Variants in EVI2B observed in about 807,000 individuals in gnomAD.
EVI2B encodes ecotropic viral integration site 2B.
In EVI2B, 4 loss-of-function variants were observed where a neutral mutation model predicts 6.6. The ratio of observed to expected loss-of-function variants is 0.61; its 90% confidence interval spans 0.30 to 1.39. EVI2B has a LOEUF of 1.39. Ranked by LOEUF, EVI2B falls within the 40% of genes most tolerant of loss-of-function variation. The probability of loss-of-function intolerance (pLI) is 0.08; values close to 1 mark genes in which losing one functional copy is unlikely to be tolerated. For missense variants in EVI2B, 484 were observed against 516.6 expected, an observed-to-expected ratio of 0.94 and a Z score of 0.61; for synonymous variants, 181 against 186.8, an observed-to-expected ratio of 0.97 and a Z score of 0.25.
At position 31,304,029 on chromosome 17, in the gene EVI2B, A is replaced by G; in HGVS notation, c.*234T>C. On this transcript the variant is annotated 3_prime_UTR_variant, in exon 2 of 2. Coordinates refer to ENST00000330927, the MANE Select transcript of EVI2B (RefSeq NM_006495.4). The stretch of plus-strand genomic sequence containing the variant: ...AATTATTGAAACATACCATTTACAT[A>G]TGTAAAATGTACTATACTTTAAAGA... 1 of 364,018 alleles carries G rather than the reference A, an allele frequency of 2.7e-6. No homozygotes were observed. The highest frequency in any genetic ancestry group is 4.9e-6 in the Non-Finnish European group (1 of 202,932). The allele number at this position is 364,018 out of a possible 1,614,324, so 22.5% of individuals were successfully genotyped here. A position where few individuals can be genotyped will look rare whatever the true frequency, so the allele number is the denominator to read the frequency against.
intron 1 of EVI2B, among the ~76,000 whole-genome samples, chr17:31,313,671 A>G (rs1597812047): frequency 1.3e-5 from 2 of 149,844 alleles, no homozygotes; most frequent in South Asian, 4.2e-4. Context: ...GTGCCACTGC[A>G]CTCCAGCCTG....
intron 1 of EVI2B, 76 bp from the exon 2 acceptor site, chr17:31,305,706 A>T: frequency 7.8e-7 from 1 of 1,275,656 alleles, no homozygotes; most frequent in South Asian, 1.5e-5. Flanking sequence ...ACTTTTCATT[A>T]TGATTCCTGG....
At chr17:31,311,175 A>G (rs575482052) in intron 1 of EVI2B, among the ~76,000 whole-genome samples, 43 of 151,210 alleles carry the variant, frequency 2.8e-4, no homozygotes, top group South Asian at 1.5e-3. Context: ...CTTGCCTTGA[A>G]CTCCTGGACT....
chr17:31,304,862 GGGT>G lies in EVI2B; in HGVS notation c.745_747del (p.Thr249del), dbSNP rs761934034. The G allele has an allele frequency of 1.2e-6, 2 of 1,613,846 alleles. No homozygotes were observed. The highest frequency in any genetic ancestry group is 1.1e-5 in the South Asian group (1 of 91,076). Reference sequence around the variant, plus strand: ...CTGATGTTATCCATACAAATGTCAGGGGTTTCTCCATCAGCAAATGGAGATCTA... The same window carrying G: ...CTGATGTTATCCATACAAATGTCAGGTTCTCCATCAGCAAATGGAGATCTA... On this transcript the variant is annotated inframe_deletion, in exon 2 of 2. Coordinates refer to ENST00000330927, the MANE Select transcript of EVI2B (RefSeq NM_006495.4).
Position 31,304,625 on chromosome 17 carries a change from C to T in EVI2B, c.985G>A (p.Ala329Thr), listed in dbSNP as rs964052664. 1 of 1,614,136 alleles carries T rather than the reference C, an allele frequency of 6.2e-7. No individual in the cohort carries two copies. The highest frequency in any genetic ancestry group is 8.5e-7 in the Non-Finnish European group (1 of 1,180,006). The stretch of plus-strand genomic sequence containing the variant: ...TCTGCATCATCTGAAGAAGAAACAG[C>T]AGTTCCAACTGTTGAACCATCAGCA... Reference protein sequence around the residue: ...DSADGSTVGTAVSSSDDADLP... With the variant: ...DSADGSTVGTTVSSSDDADLP... Residue 329 changes from alanine to threonine, a missense_variant, in exon 2 of 2, where the codon GCT (alanine) becomes ACT (threonine). Physicochemically the swap from Ala to Thr is moderately conservative, Grantham distance 58. Coordinates refer to ENST00000330927, the MANE Select transcript of EVI2B (RefSeq NM_006495.4).
At chr17:31,311,491 TA>T (rs2068875210) in intron 1 of EVI2B, among the ~76,000 whole-genome samples, 1 of 152,188 alleles carries the variant, frequency 6.6e-6, no homozygotes, top group African/African-American at 2.4e-5. Flanking sequence ...TATCTCTAAC[TA>T]GTGAAGTTTT....
rs111498285 is a variant in EVI2B, at chr17:31,307,604, T to C, written c.-21-1974A>G. ...TCCCATCTAACTACCTGTCTAACCA[T>C]GAGAACTAGTTGCTTAACCTTTCCT... is the stretch of plus-strand genomic sequence containing the variant. On this transcript the variant is annotated intron_variant, in intron 1 of 1. Transcript: ENST00000330927. Among the ~76,000 whole-genome samples the C allele has an allele frequency of 3.7e-3, 557 of 152,322 alleles. 6 individuals carry two copies. The highest frequency in any genetic ancestry group is 0.013 in the African/African-American group (529 of 41,584).
intron 1 of EVI2B, among the ~76,000 whole-genome samples, chr17:31,312,953 T>A (rs747295775): frequency 1.3e-5 from 2 of 152,168 alleles, no homozygotes; most frequent in South Asian, 4.1e-4. Flanking sequence ...TTCTATCTTA[T>A]ACTATGTTCT....
chr17:31,304,622 C>A lies in EVI2B; in HGVS notation c.988G>T (p.Val330Phe). 6.2e-7 allele frequency: 1 copy of A among 1,614,162 alleles called. No homozygotes were observed. The highest frequency in any genetic ancestry group is 8.5e-7 in the Non-Finnish European group (1 of 1,180,022). Reference sequence around the variant, plus strand: ...AGATCTGCATCATCTGAAGAAGAAACAGCAGTTCCAACTGTTGAACCATCA... The same window carrying A: ...AGATCTGCATCATCTGAAGAAGAAAAAGCAGTTCCAACTGTTGAACCATCA... ...SADGSTVGTA[V>F]SSSDDADLPP... is the part of the protein sequence containing the mutation. Residue 330 changes from valine to phenylalanine, a missense_variant, in exon 2 of 2, where the codon GTT becomes TTT. Transcript: ENST00000330927.
intron 1 of EVI2B, among the ~76,000 whole-genome samples, chr17:31,310,693 C>T (rs2068849859): frequency 6.6e-6 from 1 of 151,980 alleles, no homozygotes; most frequent in African/African-American, 2.4e-5. Flanking sequence ...CCAAAGAACC[C>T]ATGTACCCGT....
chr17:31,306,635 G>T (rs1234650445), intron 1 of EVI2B, among the ~76,000 whole-genome samples: 4 of 151,978 alleles, frequency 2.6e-5, no homozygotes, highest in Non-Finnish European at 5.9e-5. Flanking sequence ...TATTTTTAAA[G>T]AATTTCATTC....
At chr17:31,313,407 A>G (rs2068933409) in intron 1 of EVI2B, among the ~76,000 whole-genome samples, 1 of 152,132 alleles carries the variant, frequency 6.6e-6, no homozygotes, top group African/African-American at 2.4e-5. Context: ...AACTAAGGTT[A>G]ACAAATATGA....
Position 31,305,395 on chromosome 17 carries a change from G to C in EVI2B, c.215C>G (p.Ser72Ter). ...FSDTFSGQSI[S>*]PAKVTAGQPT... is the part of the protein sequence containing the mutation. ...TTGTCCAGCAGTGACTTTGGCAGGT[G>C]ATATTGATTGTCCAGAAAAAGTGTC... is the stretch of plus-strand genomic sequence containing the variant. The change falls in exon 2 of 2, where the codon TCA becomes TGA. Residue 72 changes from serine to a stop codon, truncating the protein, a stop_gained. Transcript: ENST00000330927. LOFTEE classifies it low-confidence loss of function (END_TRUNC). The C allele has an allele frequency of 1.9e-6, 3 of 1,614,212 alleles. No homozygotes were observed. The highest frequency in any genetic ancestry group is 2.5e-6 in the Non-Finnish European group (3 of 1,180,024).
intron 1 of EVI2B, among the ~76,000 whole-genome samples, chr17:31,308,432 C>T (rs1448899733): frequency 2.0e-5 from 3 of 152,248 alleles, no homozygotes; most frequent in Non-Finnish European, 2.9e-5. Context: ...TGAGCCACCA[C>T]GCCTGGCCTG....
intron 1 of EVI2B, among the ~76,000 whole-genome samples, chr17:31,313,176 A>C (rs2151519415): frequency 6.6e-6 from 1 of 152,284 alleles, no homozygotes; most frequent in East Asian, 1.9e-4. Flanking sequence ...TTCTTTCTAA[A>C]TTAAGTGAAA....
intron 1 of EVI2B, among the ~76,000 whole-genome samples, chr17:31,309,415 T>G (rs2151514802): frequency 6.6e-6 from 1 of 152,308 alleles, no homozygotes; most frequent in South Asian, 2.1e-4. Context: ...AAGGGAAAAT[T>G]TGAACACTTT....
rs766333180 is a variant in EVI2B, at chr17:31,305,260, G to GA, written c.349dup (p.Ser117PhefsTer42). The stretch of plus-strand genomic sequence containing the variant: ...GGCAGAGGTGAACACGGCTTGCTGG[G>GA]AGGAGGTGTTGGCTATTGGTGTTGG... On this transcript the variant is annotated frameshift_variant, in exon 2 of 2. Transcript: ENST00000330927. LOFTEE classifies it low-confidence loss of function (END_TRUNC). 6.2e-7 allele frequency: 1 copy of GA among 1,614,214 alleles called. No individual in the cohort carries two copies. The highest frequency in any genetic ancestry group is 1.1e-5 in the South Asian group (1 of 91,078).
At chr17:31,307,826 G>T in intron 1 of EVI2B, 1 of 1,125,428 alleles carries the variant, frequency 8.9e-7, no homozygotes, top group Non-Finnish European at 1.2e-6. Context: ...TGACTCATAA[G>T]CCTATATTTA....
chr17:31,304,077 G>A lies in EVI2B; in HGVS notation c.*186C>T, dbSNP rs542835423. The A allele has an allele frequency of 1.9e-6, 1 of 530,048 alleles. No homozygotes were observed. Among genetic ancestry groups the A allele is most frequent in the African/African-American group, 1.9e-5 (1 of 52,860 alleles). 32.8% of individuals were successfully genotyped at this position (530,048 alleles called of 1,614,324 possible). A position where few individuals can be genotyped will look rare whatever the true frequency, so the allele number is the denominator to read the frequency against. On this transcript the variant is annotated 3_prime_UTR_variant, in exon 2 of 2. Transcript: ENST00000330927. The stretch of plus-strand genomic sequence containing the variant: ...AGATAGGTACTATAATTAGTAAATA[G>A]ATTACTGTTAAATAACTTTTTTTAA...
Sources: gnomAD v4.1 joint callset for allele counts (sites outside exome capture counted in the v4.1 genomes callset) on GRCh38, gnomAD v4.1.1 for gene constraint, MANE v1.5 for transcripts, NCBI Gene and HGNC (gene_info 2026-07-23, HGNC 2026-07-21) for gene names.